Variants in CNKSR1 observed in about 807,000 individuals in gnomAD.
CNKSR1 encodes CNK homolog protein 1.
CNKSR1 carries 88 observed loss-of-function variants against 95.6 expected under a neutral mutation model. The ratio of observed to expected loss-of-function variants is 0.92; its 90% CI spans 0.78 to 1.10. The LOEUF is 1.10. Ranked by LOEUF, CNKSR1 falls within the 50% of genes least tolerant of loss-of-function variation. The pLI is 0.00. For synonymous variants in CNKSR1, 355 were observed against 369.7 expected (o/e 0.96, Z 0.46); for missense variants, 836 against 912.0 (o/e 0.92, Z 1.07).
rs977091954 is a variant in CNKSR1, at chr1:26,181,931, T to G, written c.467T>G (p.Val156Gly). 7 of 1,613,790 alleles carry G rather than the reference T, an allele frequency of 4.3e-6. No individual in the cohort carries two copies. In the Admixed American group the frequency reaches 6.7e-5, roughly 15 times the overall value. ...GACTTGTTGGAGGAGCTGAGCCAGG[T>G]CTTGCATGAGGTAGGAGAACCAAGG... ...IRDLLEELSQ[V>G]LHEDGPAAEK... The change falls in exon 4 of 21, where the codon GTC becomes GGC. Residue 156 changes from valine to glycine, a missense_variant. Transcript: ENST00000361530.
At position 26,188,552 on chromosome 1, in the gene CNKSR1, G is replaced by A. The variant is rs564280325; in HGVS notation, c.1591-46G>A. 3.5e-5 allele frequency: 57 copies of A among 1,610,868 alleles called. No homozygotes were observed. In the South Asian group the frequency reaches 4.5e-4, roughly 13 times the overall value. On this transcript the variant is annotated intron_variant, in intron 18 of 20. Transcript: ENST00000361530. The stretch of plus-strand genomic sequence containing the variant: ...AGGAGGTGGGGATAAACAACAGGGC[G>A]TGGAGCTCAGACAGAAACCCTCTGT...
rs1234780159 is a variant in CNKSR1 at position 26,180,726 on chromosome 1, A to G, written c.222A>G (p.Leu74=). The G allele has an allele frequency of 2.5e-6, 4 of 1,614,138 alleles. No homozygotes were observed. The highest frequency in any genetic ancestry group is 2.7e-5 in the African/African-American group (2 of 75,062). The change falls in exon 3 of 21, where the codon CTA becomes CTG. Residue 74 remains leucine, a synonymous_variant. Coordinates refer to ENST00000361530, the MANE Select transcript of CNKSR1 (RefSeq NM_006314.3). ...VEQLQALSSR[L]QTENLQSLTE... is the part of the protein sequence containing the mutation. ...TCTTTCTGGCACAGAGCTCCAGGCT[A>G]CAGACAGAGAACCTGCAAAGCCTGA...
intron 9 of CNKSR1, 120 bp downstream of exon 9, chr1:26,183,950 C>T: frequency 1.9e-6 from 1 of 529,962 alleles, no homozygotes; most frequent in Non-Finnish European, 3.5e-6. Flanking sequence ...CCTGCTGCGC[C>T]CCCCTAGCTC....
rs1230896085 is a variant in CNKSR1 at position 26,188,311 on chromosome 1, GGTGTCTCGCA to G, written c.1528+6_1528+15del. 6.2e-7 allele frequency: 1 copy of G among 1,613,900 alleles called. No homozygotes were observed. Among genetic ancestry groups the G allele is most frequent in the East Asian group, 2.2e-5 (1 of 44,872 alleles). On this transcript the variant is annotated splice_donor_5th_base_variant and intron_variant, in intron 17 of 20. Transcript: ENST00000361530. The stretch of plus-strand genomic sequence containing the variant: ...GCCCCCCCACCCCGAGAGGAAGGTA[GGTGTCTCGCA>G]GGGTTGAGTGGGAGGAACCCTCACC...
chr1:26,184,914 C>A, intron 13 of CNKSR1, 100 bp from the exon 14 acceptor site: 1 of 1,236,438 alleles, frequency 8.1e-7, no homozygotes, highest in Non-Finnish European at 1.1e-6. Context: ...AGTGTGGGTT[C>A]AGAGATCTCA....
At chr1:26,187,128 T>C in intron 14 of CNKSR1, 40 bp from the exon 15 acceptor site, 1 of 1,527,994 alleles carries the variant, frequency 6.5e-7, no homozygotes, top group Non-Finnish European at 9.1e-7. Flanking sequence ...CTTGAGGGTA[T>C]TGGGGTTCCA....
chr1:26,180,631 C>T (rs1419571722), intron 2 of CNKSR1, 21 bp downstream of exon 2: 1 of 1,614,066 alleles, frequency 6.2e-7, no homozygotes, highest in African/African-American at 1.3e-5. Flanking sequence ...GCTGGTCACA[C>T]TGGCTGCAGC....
chr1:26,177,746 T>G (rs1238817414), intron 1 of CNKSR1, 147 bp downstream of exon 1: 1 of 882,786 alleles, frequency 1.1e-6, no homozygotes, highest in Non-Finnish European at 1.7e-6. Flanking sequence ...GAAGCCAAGG[T>G]GGGTGGGTCA....
intron 13 of CNKSR1, 100 bp downstream of exon 13, chr1:26,184,712 C>G: frequency 1.5e-6 from 2 of 1,378,058 alleles, no homozygotes; most frequent in Non-Finnish European, 2.0e-6. Context: ...CCCACACAGC[C>G]TCTCCTGGAA....
chr1:26,177,899 A>G (rs920289229), intron 1 of CNKSR1, among the ~76,000 whole-genome samples: 7 of 152,132 alleles, frequency 4.6e-5, no homozygotes, highest in Non-Finnish European at 1.0e-4. Flanking sequence ...CCCAGGAGGC[A>G]GAGGTTACAG....
rs777316095 is a variant in CNKSR1 at position 26,188,712 on chromosome 1, T to G, written c.1690+15T>G. 1 of 1,611,296 alleles carries G rather than the reference T, an allele frequency of 6.2e-7. No individual in the cohort carries two copies. Among genetic ancestry groups the G allele is most frequent in the African/African-American group, 1.3e-5 (1 of 74,292 alleles). On this transcript the variant is annotated intron_variant, in intron 19 of 20. Coordinates refer to ENST00000361530, the MANE Select transcript of CNKSR1 (RefSeq NM_006314.3). ...CTCTCTGACAGGTGCTGGGCTGGAG[T>G]TGGGAGCTGGGCTGGGGGCTGGGGT...
In CNKSR1 at chr1:26,188,696, A is replaced by G. The variant is rs1190841782; in HGVS notation, c.1689A>G (p.Thr563=). The change falls in exon 19 of 21, where the codon ACA becomes ACG. Residue 563 remains threonine, a splice_region_variant and synonymous_variant. Transcript: ENST00000361530. ...RSPRTSFGSL[T]DSSEEALEGM... ...CACGGACCTCCTTTGGCTCTCTGAC[A>G]GGTGCTGGGCTGGAGTTGGGAGCTG... The G allele has an allele frequency of 1.2e-5, 19 of 1,613,652 alleles. No homozygotes were observed. The highest frequency in any genetic ancestry group is 1.6e-5 in the Non-Finnish European group (19 of 1,179,778).
rs1392676694 is a variant in CNKSR1, at chr1:26,189,740, C to CT, written c.*193dup. The CT allele has an allele frequency of 4.7e-5, 33 of 702,502 alleles. 1 individual carries two copies. The Admixed American group carries it at 6.2e-4, about 13-fold the overall frequency. The allele number at this position is 702,502 out of a possible 1,614,324, so 43.5% of individuals were successfully genotyped here. A position where few individuals can be genotyped will look rare whatever the true frequency, so the allele number is the denominator to read the frequency against. ...CCTCTCCCTTGCCAAAGAAGAAACT[C>CT]TCCCCCCAAATCCTCCAACCTCTGG... is the stretch of plus-strand genomic sequence containing the variant. On this transcript the variant is annotated 3_prime_UTR_variant, in exon 21 of 21. Coordinates refer to ENST00000361530, the MANE Select transcript of CNKSR1 (RefSeq NM_006314.3).
chr1:26,189,703 G>T lies in CNKSR1; in HGVS notation c.*155G>T. On this transcript the variant is annotated 3_prime_UTR_variant, in exon 21 of 21. Transcript: ENST00000361530. ...ACCCCGAGCTGACCCCTCTGCCTGG[G>T]CTTTGTGCCACCCTCTCCCTTGCCA... is the stretch of plus-strand genomic sequence containing the variant. 1 of 744,122 alleles carries T rather than the reference G, an allele frequency of 1.3e-6. No homozygotes were observed. Among genetic ancestry groups the T allele is most frequent in the South Asian group, 1.4e-5 (1 of 71,318 alleles). The allele number at this position is 744,122 out of a possible 1,614,324, so 46.1% of individuals were successfully genotyped here.
intron 9 of CNKSR1, 28 bp downstream of exon 9, chr1:26,183,858 G>A (rs764628730): frequency 3.6e-6 from 3 of 831,108 alleles, no homozygotes; most frequent in South Asian, 1.5e-5. Flanking sequence ...CCCCCGACCT[G>A]CCTTCAGACC....
chr1:26,182,184 G>C, intron 4 of CNKSR1, 177 bp from the exon 5 acceptor site: 1 of 723,418 alleles, frequency 1.4e-6, no homozygotes, highest in African/African-American at 1.8e-5. Flanking sequence ...CTGGGGGCCT[G>C]GTATCAGGGA....
chr1:26,182,308 C>A, intron 4 of CNKSR1, 53 bp from the exon 5 acceptor site: 3 of 1,586,670 alleles, frequency 1.9e-6, no homozygotes, highest in Non-Finnish European at 2.6e-6. Flanking sequence ...AGAAGGCAGT[C>A]CCCTTATGGC....
At position 26,188,886 on chromosome 1, in the gene CNKSR1, G is replaced by A. The variant is rs780446264; in HGVS notation, c.1805G>A (p.Arg602Gln). ...GAACAGTGGCGGAGCTCTTTCATGC[G>A]GCGCAACCGAGACCCTCAGCTCAAT... is the stretch of plus-strand genomic sequence containing the variant. ...TQEQWRSSFM[R>Q]RNRDPQLNER... The change falls in exon 20 of 21, where the codon CGG (arginine) becomes CAG (glutamine). Residue 602 changes from arginine (R) to glutamine (Q), a missense_variant. Coordinates refer to ENST00000361530, the MANE Select transcript of CNKSR1 (RefSeq NM_006314.3). The A allele has an allele frequency of 6.8e-6, 11 of 1,613,736 alleles. No individual in the cohort carries two copies. The highest frequency in any genetic ancestry group is 1.7e-5 in the Admixed American group (1 of 60,014).
chr1:26,181,317 C>T (rs1259093554), intron 3 of CNKSR1, among the ~76,000 whole-genome samples: 3 of 149,198 alleles, frequency 2.0e-5, no homozygotes, highest in African/African-American at 5.0e-5. Context: ...TATGGTGGAG[C>T]AGGGCAGAGG....
Sources: gnomAD v4.1 joint callset for allele counts (sites outside exome capture counted in the v4.1 genomes callset) on GRCh38, gnomAD v4.1.1 for gene constraint, MANE v1.5 for transcripts, NCBI Gene and HGNC (gene_info 2026-07-23, HGNC 2026-07-21) for gene names.